Variants in RIMBP2 observed in about 807,000 individuals in gnomAD.
RIMBP2 encodes RIMS binding protein 2, also known as RIMS-binding protein 2.
Under a neutral mutation model 118.6 loss-of-function variants are expected in RIMBP2, and 48 were observed. The ratio of observed to expected loss-of-function variants is 0.40; its 90% CI spans 0.32 to 0.51. The LOEUF is 0.51. RIMBP2 is among the 20% of genes least tolerant of loss of function. RIMBP2 has a pLI of 0.41. For synonymous variants in RIMBP2, 762 were observed against 742.9 expected (o/e 1.03, Z -0.42); for missense variants, 1,551 against 1,768.3 (o/e 0.88, Z 2.20).
chr12:130,583,212 G>A (rs1014761169), intron 2 of RIMBP2, among the ~76,000 whole-genome samples: 4 of 152,168 alleles, frequency 2.6e-5, no homozygotes, highest in African/African-American at 9.7e-5. Context: ...CCTTTGGGAT[G>A]TGGCATAGTG....
intron 1 of RIMBP2, chr12:130,668,173 C>T (rs1302983260): frequency 6.6e-6 from 1 of 152,176 alleles, no homozygotes. Context: ...CGAAACCCGA[C>T]CCAATGCTGA....
chr12:130,527,792 A>C (rs1207182937), intron 2 of RIMBP2, among the ~76,000 whole-genome samples: 4 of 152,230 alleles, frequency 2.6e-5, no homozygotes, highest in African/African-American at 7.2e-5. Context: ...ACATGAACAG[A>C]AACTTCTCAA....
rs745420290 is a variant in RIMBP2, at chr12:130,434,807, T to C, written c.2180A>G (p.Tyr727Cys). Residue 727 changes from tyrosine (Y) to cysteine (C), a missense_variant, in exon 14 of 23, where the codon TAT becomes TGT. This residue lies in a region of RIMBP2 where 1,038 missense variants were observed against 1,125.1 expected (regional missense o/e 0.92). Transcript: ENST00000690449. This position sits in a 1 kb window ranked among gnomAD's most constrained non-coding sequence, Gnocchi z 5.7. ...QYAASDEEDA[Y>C]DSPDFKRRGA... Reference sequence around the variant, plus strand: ...CCTCCTCTTGAAGTCTGGAGAGTCATAGGCGTCCTCCTCGTCTGAGGCGGC... The same window carrying C: ...CCTCCTCTTGAAGTCTGGAGAGTCACAGGCGTCCTCCTCGTCTGAGGCGGC... 34 of 1,613,824 alleles carry C rather than the reference T, an allele frequency of 2.1e-5. No homozygotes were observed. The highest frequency in any genetic ancestry group is 1.7e-4 in the Admixed American group (10 of 59,984).
chr12:130,506,642 G>C lies in RIMBP2; in HGVS notation c.-4+6C>G. 2 of 985,696 alleles carry C rather than the reference G, an allele frequency of 2.0e-6. No homozygotes were observed. Among genetic ancestry groups the C allele is most frequent in the South Asian group, 4.7e-5 (1 of 21,288 alleles). 61.1% of individuals were successfully genotyped at this position (985,696 alleles called of 1,614,324 possible). ...AAGCGGTCCCAAATGCAGAAAGCCA[G>C]CTTACCTTCAGGACCTGTTCTAGGT... On this transcript the variant is annotated splice_donor_region_variant and intron_variant, in intron 4 of 22. Coordinates refer to ENST00000690449, the MANE Select transcript of RIMBP2 (RefSeq NM_001393629.1).
At chr12:130,497,269 T>C (rs1422031749) in intron 4 of RIMBP2, among the ~76,000 whole-genome samples, 3 of 152,188 alleles carry the variant, frequency 2.0e-5, no homozygotes, top group African/African-American at 4.8e-5. Context: ...GGGAGGCTGA[T>C]TGAATCTACC....
chr12:130,641,494 G>A, intron 1 of RIMBP2, among the ~76,000 whole-genome samples: 1 of 150,718 alleles, frequency 6.6e-6, no homozygotes, highest in Non-Finnish European at 1.5e-5. Context: ...GTGACTGCCG[G>A]ACACTCGGCC....
rs536055742 is a variant in RIMBP2, at chr12:130,649,361, C to T, written c.-351-20905G>A. Among the ~76,000 whole-genome samples the T allele has an allele frequency of 9.8e-4, 150 of 152,366 alleles. 1 individual carries two copies. Among genetic ancestry groups the T allele is most frequent in the African/African-American group, 3.4e-3 (141 of 41,590 alleles). On this transcript the variant is annotated intron_variant, in intron 1 of 22. Transcript: ENST00000690449. ...ACTTAGAGACCCAGGCCCCTCCCTC[C>T]GTGGCCGCCCAACCCCTGGGGCCTC...
chr12:130,483,458 T>C (rs1215308645), intron 4 of RIMBP2, among the ~76,000 whole-genome samples: 3 of 152,186 alleles, frequency 2.0e-5, no homozygotes, highest in East Asian at 3.8e-4. Flanking sequence ...GCTAAAAATA[T>C]ACTTTTACTT....
intron 1 of RIMBP2, among the ~76,000 whole-genome samples, chr12:130,695,706 T>C (rs11061092): frequency 0.038 from 5,773 of 152,094 alleles, 373 homozygotes; most frequent in African/African-American, 0.13. Context: ...CAACCGACCA[T>C]TGATCAATAA....
chr12:130,464,802 C>T (rs993216287), intron 6 of RIMBP2, among the ~76,000 whole-genome samples: 1 of 152,258 alleles, frequency 6.6e-6, no homozygotes, highest in Non-Finnish European at 1.5e-5. Context: ...CTCACCCACA[C>T]ATTCCCCTAA....
chr12:130,407,305 C>T (rs752932660), intron 20 of RIMBP2, among the ~76,000 whole-genome samples: 10 of 152,172 alleles, frequency 6.6e-5, no homozygotes, highest in Non-Finnish European at 1.3e-4. Flanking sequence ...CAAGCTGTGC[C>T]AGGCGACACA....
chr12:130,397,847 G>A (rs1359513038), intron 22 of RIMBP2: 1 of 222,728 alleles, frequency 4.5e-6, no homozygotes, highest in Non-Finnish European at 8.7e-6. Flanking sequence ...CTAAGGGCAG[G>A]GGAGACATGA....
intron 4 of RIMBP2, among the ~76,000 whole-genome samples, chr12:130,486,329 C>G (rs1242620901): frequency 6.6e-6 from 1 of 152,214 alleles, no homozygotes; most frequent in East Asian, 1.9e-4. Flanking sequence ...TCCCCCTGAC[C>G]TCTGCAATGA....
Position 130,475,612 on chromosome 12 carries a change from G to C in RIMBP2, c.102+3300C>G, listed in dbSNP as rs1157741377. On this transcript the variant is annotated intron_variant, in intron 5 of 22. Coordinates refer to ENST00000690449, the MANE Select transcript of RIMBP2 (RefSeq NM_001393629.1). This position sits in a 1 kb window ranked among gnomAD's most constrained non-coding sequence, Gnocchi z 4.1. ...CTGAAGGAAGAGGCCAGGGGCTCCAGGCGGGCGTCTCCAAGGGGAAAATGG... is the reference window on the plus strand; with the variant it reads ...CTGAAGGAAGAGGCCAGGGGCTCCACGCGGGCGTCTCCAAGGGGAAAATGG... Among the ~76,000 whole-genome samples the C allele has an allele frequency of 1.3e-5, 2 of 152,142 alleles. No individual in the cohort carries two copies. Among genetic ancestry groups the C allele is most frequent in the African/African-American group, 4.8e-5 (2 of 41,430 alleles).
chr12:130,399,233 A>G, intron 22 of RIMBP2: 1 of 847,424 alleles, frequency 1.2e-6, no homozygotes, highest in Non-Finnish European at 1.6e-6. Flanking sequence ...ACTTGCAGTG[A>G]TGAAATAAAA....
At chr12:130,468,820 T>C (rs1240096012) in intron 6 of RIMBP2, among the ~76,000 whole-genome samples, 1 of 152,176 alleles carries the variant, frequency 6.6e-6, no homozygotes, top group East Asian at 1.9e-4. Flanking sequence ...TCTGCGGTCA[T>C]CTGAACCCCA....
In RIMBP2 at chr12:130,581,038, C is replaced by T. The variant is rs543093483; in HGVS notation, c.-217+47284G>A. Among the ~76,000 whole-genome samples the T allele has an allele frequency of 2.6e-5, 4 of 152,314 alleles. No individual in the cohort carries two copies. The highest frequency in any genetic ancestry group is 9.6e-5 in the African/African-American group (4 of 41,558). On this transcript the variant is annotated intron_variant, in intron 2 of 22. Coordinates refer to ENST00000690449, the MANE Select transcript of RIMBP2 (RefSeq NM_001393629.1). The surrounding 1 kb of genome is among the most constrained non-coding windows in gnomAD (Gnocchi z 4.4). ...AGCTTTTTTCAGTGCCACCCACACA[C>T]TGTGCACTGAGGCAGGGGCCTCGTG...
chr12:130,531,706 C>T (rs889155227), intron 2 of RIMBP2, among the ~76,000 whole-genome samples: 1 of 152,214 alleles, frequency 6.6e-6, no homozygotes, highest in Non-Finnish European at 1.5e-5. Flanking sequence ...GTGGTGCCTG[C>T]AGAGGTATGA....
intron 21 of RIMBP2, among the ~76,000 whole-genome samples, chr12:130,404,437 A>G (rs1451603391): frequency 1.3e-5 from 2 of 152,170 alleles, no homozygotes; most frequent in Non-Finnish European, 2.9e-5. Context: ...AGCTGGGATT[A>G]CAGGCACATG....
Sources: gnomAD v4.1 joint callset for allele counts (sites outside exome capture counted in the v4.1 genomes callset) on GRCh38, gnomAD v4.1.1 for gene constraint, gnomAD v4.1.1 regional missense constraint, Gnocchi (gnomAD v3.1) non-coding constraint, MANE v1.5 for transcripts, NCBI Gene and HGNC (gene_info 2026-07-23, HGNC 2026-07-21) for gene names.